SGPL1: variants seen among roughly 807,000 people sequenced by gnomAD.
The protein encoded by SGPL1 is SP-lyase 1.
SGPL1 carries 37 observed loss-of-function variants against 68.9 expected under a neutral mutation model. The observed-to-expected ratio is 0.54, with a 90% CI of 0.41 to 0.71. The LOEUF is 0.71. Ranked by LOEUF, SGPL1 falls within the 30% of genes least tolerant of loss-of-function variation. The probability of loss-of-function intolerance (pLI) is 0.00; values close to 1 mark genes in which losing one functional copy is unlikely to be tolerated. For synonymous variants in SGPL1, 236 were observed against 248.5 expected, an observed-to-expected ratio of 0.95 and a Z score of 0.47; for missense variants, 551 against 704.6, an observed-to-expected ratio of 0.78 and a Z score of 2.47.
chr10:70,844,999 A>G (rs1248662175), intron 3 of SGPL1, among the ~76,000 whole-genome samples: 3 of 152,088 alleles, frequency 2.0e-5, no homozygotes, highest in African/African-American at 7.2e-5. Flanking sequence ...CGGCCTCCCA[A>G]AGTGCTGGGA....
At chr10:70,871,196 CAA>C (rs775658537) in intron 10 of SGPL1, 50 bp downstream of exon 10, 3 of 1,300,646 alleles carry the variant, frequency 2.3e-6, no homozygotes. Context: ...TATTTTAAAA[CAA>C]AGCCTAATGG....
In SGPL1 at chr10:70,875,386, A is replaced by AT. The variant is rs3998628; in HGVS notation, c.1299-9dup. ...GAATTTACTTTTTCTTCCTTCATTT[A>AT]TTTTTTTGTTTTAAGACTGGAAAAT... On this transcript the variant is annotated splice_polypyrimidine_tract_variant and intron_variant, in intron 12 of 14. Coordinates refer to ENST00000373202, the MANE Select transcript of SGPL1 (RefSeq NM_003901.4). The AT allele has an allele frequency of 1.3e-6, 2 of 1,566,660 alleles. No individual in the cohort carries two copies. The highest frequency in any genetic ancestry group is 1.8e-6 in the Non-Finnish European group (2 of 1,138,614).
At chr10:70,873,667 G>T in intron 12 of SGPL1, 78 bp downstream of exon 12, 1 of 1,074,686 alleles carries the variant, frequency 9.3e-7, no homozygotes, top group Non-Finnish European at 1.4e-6. Flanking sequence ...GCCTGGCTAA[G>T]TATCCATAGC....
In SGPL1 at chr10:70,879,132, A is replaced by G. The variant is rs1484558874; in HGVS notation, c.*1797A>G. On this transcript the variant is annotated 3_prime_UTR_variant, in exon 15 of 15. Coordinates refer to ENST00000373202, the MANE Select transcript of SGPL1 (RefSeq NM_003901.4). ...GAGGTTTCTATTTGGGGAGGGGAGT[A>G]CTTAAGATGAGTCAAAAGACACTTT... 2 of 152,874 alleles carry G rather than the reference A, an allele frequency of 1.3e-5. No homozygotes were observed. The highest frequency in any genetic ancestry group is 3.9e-4 in the East Asian group (2 of 5,184). 9.5% of individuals were successfully genotyped at this position (152,874 alleles called of 1,614,324 possible).
intron 7 of SGPL1, among the ~76,000 whole-genome samples, chr10:70,862,542 T>A (rs57121697): frequency 4.5e-4 from 68 of 152,238 alleles, no homozygotes; most frequent in African/African-American, 1.6e-3. Flanking sequence ...GTTCTTTCGC[T>A]CTTTGCAATA....
At chr10:70,837,189 T>A (rs1164601901) in intron 2 of SGPL1, among the ~76,000 whole-genome samples, 2 of 151,986 alleles carry the variant, frequency 1.3e-5, no homozygotes, top group Non-Finnish European at 2.9e-5. Context: ...GCGATTCTCA[T>A]GCTTCAGCCT....
chr10:70,856,632 G>A (rs539895248), intron 5 of SGPL1, among the ~76,000 whole-genome samples: 9 of 152,236 alleles, frequency 5.9e-5, no homozygotes, highest in African/African-American at 1.9e-4. Context: ...AAAGTCAAAC[G>A]GGCAGCAAGC....
At chr10:70,829,376 A>G (rs182295469) in intron 2 of SGPL1, among the ~76,000 whole-genome samples, 52 of 152,324 alleles carry the variant, frequency 3.4e-4, no homozygotes, top group Admixed American at 1.8e-3. Context: ...GAATCAAACT[A>G]CTTAAAGCCT....
chr10:70,870,507 CAA>C (rs35049583), intron 9 of SGPL1, among the ~76,000 whole-genome samples: 1,876 of 142,828 alleles, frequency 0.013, 14 homozygotes, highest in South Asian at 0.022. Context: ...GACCCTGTCT[CAA>C]AAAAAAAAAA....
chr10:70,871,075 A>G lies in SGPL1; in HGVS notation c.838A>G (p.Thr280Ala). ...RAMRRAISRN[T>A]AMLVCSTPQF... ...AATGAGAAGAGCTATCTCCAGGAAC[A>G]CTGCCATGCTCGTCTGTTCTACCCC... The change falls in exon 10 of 15, where the codon ACT (threonine) becomes GCT (alanine). Residue 280 changes from threonine (T) to alanine (A), a missense_variant. Physicochemically the swap from Thr to Ala is moderately conservative, Grantham distance 58. Coordinates refer to ENST00000373202, the MANE Select transcript of SGPL1 (RefSeq NM_003901.4). 6.2e-7 allele frequency: 1 copy of G among 1,614,010 alleles called. No homozygotes were observed. Among genetic ancestry groups the G allele is most frequent in the South Asian group, 1.1e-5 (1 of 91,074 alleles).
chr10:70,831,224 C>A (rs566710053), intron 2 of SGPL1, among the ~76,000 whole-genome samples: 1 of 152,302 alleles, frequency 6.6e-6, no homozygotes, highest in South Asian at 2.1e-4. Flanking sequence ...CCTCTACTCT[C>A]ACACCACAAC....
intron 2 of SGPL1, among the ~76,000 whole-genome samples, chr10:70,840,328 C>T (rs889046466): frequency 3.3e-5 from 5 of 152,000 alleles, no homozygotes; most frequent in African/African-American, 1.2e-4. Flanking sequence ...CTTGATCTTC[C>T]AGGTTCCCTT....
intron 2 of SGPL1, among the ~76,000 whole-genome samples, chr10:70,842,613 G>T (rs1035535486): frequency 1.3e-5 from 2 of 151,744 alleles, no homozygotes; most frequent in African/African-American, 4.8e-5. Flanking sequence ...AAGAAAGAGA[G>T]TGGGGGGAGG....
chr10:70,818,507 T>A (rs189927472), intron 2 of SGPL1, among the ~76,000 whole-genome samples: 590 of 152,318 alleles, frequency 3.9e-3, no homozygotes, highest in Non-Finnish European at 7.3e-3. Context: ...TCTCTTTATC[T>A]CACTATCCCA....
In SGPL1 at chr10:70,854,938, A is replaced by G. The variant is rs576796499; in HGVS notation, c.409+83A>G. On this transcript the variant is annotated intron_variant, in intron 5 of 14. Coordinates refer to ENST00000373202, the MANE Select transcript of SGPL1 (RefSeq NM_003901.4). Reference sequence around the variant, plus strand: ...TGTTTAATGTTCACATAGGTTAAGAATAACTCATCATTGGTTAATACATGT... The same window carrying G: ...TGTTTAATGTTCACATAGGTTAAGAGTAACTCATCATTGGTTAATACATGT... 1.9e-5 allele frequency: 23 copies of G among 1,197,050 alleles called. No homozygotes were observed. In the African/African-American group the frequency reaches 3.2e-4, roughly 17 times the overall value. 74.2% of individuals were successfully genotyped at this position (1,197,050 alleles called of 1,614,324 possible).
intron 13 of SGPL1, 47 bp downstream of exon 13, chr10:70,875,595 G>T: frequency 6.5e-7 from 1 of 1,538,676 alleles, no homozygotes; most frequent in Non-Finnish European, 8.9e-7. Flanking sequence ...CATGATTTTG[G>T]AAGAACTTGG....
intron 7 of SGPL1, among the ~76,000 whole-genome samples, chr10:70,861,848 G>C (rs1029840095): frequency 1.3e-5 from 2 of 152,222 alleles, no homozygotes; most frequent in Non-Finnish European, 2.9e-5. Context: ...CACTGCGCTC[G>C]ATTTCTCGCT....
intron 2 of SGPL1, among the ~76,000 whole-genome samples, chr10:70,844,200 G>T (rs1302391283): frequency 6.6e-6 from 1 of 152,204 alleles, no homozygotes; most frequent in Non-Finnish European, 1.5e-5. Context: ...TAGGGCTGAA[G>T]TGACGATCTA....
chr10:70,841,792 A>G (rs1354767659), intron 2 of SGPL1, among the ~76,000 whole-genome samples: 1 of 152,188 alleles, frequency 6.6e-6, no homozygotes, highest in Non-Finnish European at 1.5e-5. Flanking sequence ...GGATGTGGAT[A>G]TCCAATAGGA....
Sources: gnomAD v4.1 joint callset for allele counts (sites outside exome capture counted in the v4.1 genomes callset) on GRCh38, gnomAD v4.1.1 for gene constraint, MANE v1.5 for transcripts, NCBI Gene and HGNC (gene_info 2026-07-23, HGNC 2026-07-21) for gene names.